The following TBC1D14 variants were observed in gnomAD, a reference collection of about 807,000 sequenced individuals.
The protein encoded by TBC1D14 is TBC1 domain family member 14.
A neutral mutation model predicts 79.0 loss-of-function variants in TBC1D14; 26 were observed. The observed-to-expected ratio is 0.33, with a 90% CI of 0.24 to 0.46. The LOEUF (loss-of-function observed/expected upper bound fraction) is 0.46, where lower values mean the gene tolerates loss of function less well. Among genes scored for constraint, TBC1D14 ranks in the 20% least tolerant of loss-of-function variants. The probability of loss-of-function intolerance (pLI) is 1.00; values close to 1 mark genes in which losing one functional copy is unlikely to be tolerated. For missense variants in TBC1D14, 769 were observed against 887.6 expected, an observed-to-expected ratio of 0.87 and a Z score of 1.70; for synonymous variants, 394 against 349.9, an observed-to-expected ratio of 1.13 and a Z score of -1.40.
At chr4:6,983,603 T>C (rs1401286090) in intron 3 of TBC1D14, among the ~76,000 whole-genome samples, 2 of 152,302 alleles carry the variant, frequency 1.3e-5, no homozygotes, top group African/African-American at 4.8e-5. Flanking sequence ...TCCCATAAAA[T>C]GTCTAATCCC....
At chr4:7,026,061 C>T (rs186436762) in intron 13 of TBC1D14, among the ~76,000 whole-genome samples, 38 of 152,268 alleles carry the variant, frequency 2.5e-4, no homozygotes, top group African/African-American at 8.7e-4. Flanking sequence ...GAGAGGGTCT[C>T]GCTCTGTCAT....
At chr4:6,967,483 G>A in intron 3 of TBC1D14, 59 bp downstream of exon 3, 3 of 1,571,614 alleles carry the variant, frequency 1.9e-6, no homozygotes, top group East Asian at 2.3e-5. Context: ...ATATATTCAT[G>A]AACCTTGCAA....
At chr4:6,937,487 A>G (rs1712452137) in intron 2 of TBC1D14, among the ~76,000 whole-genome samples, 1 of 116,792 alleles carries the variant, frequency 8.6e-6, no homozygotes, top group East Asian at 3.8e-4. Flanking sequence ...GTGGGGGCAC[A>G]AACCCTGGGG....
chr4:6,913,795 C>T (rs1217429858), intron 1 of TBC1D14, among the ~76,000 whole-genome samples: 1 of 152,150 alleles, frequency 6.6e-6, no homozygotes, highest in Non-Finnish European at 1.5e-5. Context: ...TACCAAATCA[C>T]TAAGTGAAGC....
intron 12 of TBC1D14, 76 bp from the exon 13 acceptor site, chr4:7,024,928 A>G: frequency 6.3e-7 from 1 of 1,575,170 alleles, no homozygotes; most frequent in Non-Finnish European, 8.6e-7. Context: ...TTTTCATGGA[A>G]TCAGACTGGA....
chr4:7,016,652 G>A (rs773255453), intron 12 of TBC1D14, among the ~76,000 whole-genome samples: 3 of 152,346 alleles, frequency 2.0e-5, no homozygotes, highest in South Asian at 4.1e-4. Context: ...TAACACGTAC[G>A]TATGCTGGGA....
chr4:7,001,052 A>G, intron 6 of TBC1D14, 93 bp from the exon 7 acceptor site: 1 of 1,000,808 alleles, frequency 1.0e-6, no homozygotes, highest in Non-Finnish European at 1.5e-6. Flanking sequence ...GCAACGGTGC[A>G]TCCCAGCTCT....
chr4:6,927,358 C>T (rs1055914672), intron 2 of TBC1D14, among the ~76,000 whole-genome samples: 14 of 152,198 alleles, frequency 9.2e-5, no homozygotes, highest in African/African-American at 3.4e-4. Flanking sequence ...CTGGGTTTCT[C>T]GTGAGTCCTC....
intron 12 of TBC1D14, among the ~76,000 whole-genome samples, chr4:7,018,084 T>C (rs1469280143): frequency 6.6e-6 from 1 of 152,154 alleles, no homozygotes; most frequent in Non-Finnish European, 1.5e-5. Context: ...CTGAGGCCCA[T>C]GGTGTGAGGT....
Position 7,023,348 on chromosome 4 carries a change from C to CT in TBC1D14, c.1758-1655dup, listed in dbSNP as rs1167514679. On this transcript the variant is annotated intron_variant, in intron 12 of 13. Coordinates refer to ENST00000409757, the MANE Select transcript of TBC1D14 (RefSeq NM_020773.3). ...GCTTTTTAGCAGATGTAGGGAGAGTCTGATTTCCATGTGTGAGTGGGCACA... is the reference window on the plus strand; with the variant it reads ...GCTTTTTAGCAGATGTAGGGAGAGTCTTGATTTCCATGTGTGAGTGGGCACA... Among the ~76,000 whole-genome samples, 9 of 152,332 alleles carry CT rather than the reference C, an allele frequency of 5.9e-5. No individual in the cohort carries two copies. The East Asian group carries it at 1.7e-3, about 29-fold the overall frequency.
intron 2 of TBC1D14, 28 bp from the exon 3 acceptor site, chr4:6,967,276 C>G (rs765939741): frequency 2.5e-6 from 4 of 1,610,886 alleles, no homozygotes; most frequent in Non-Finnish European, 3.4e-6. Flanking sequence ...CCCAGAAATG[C>G]CCTAACCTTG....
chr4:6,958,952 C>T (rs1326953565), intron 2 of TBC1D14, among the ~76,000 whole-genome samples: 3 of 150,994 alleles, frequency 2.0e-5, no homozygotes, highest in Non-Finnish European at 2.9e-5. Flanking sequence ...GGTGGGATCT[C>T]GGCTCACTGC....
At chr4:7,022,022 C>T (rs918520095) in intron 12 of TBC1D14, among the ~76,000 whole-genome samples, 1 of 152,262 alleles carries the variant, frequency 6.6e-6, no homozygotes, top group African/African-American at 2.4e-5. Flanking sequence ...CTGTTCACGG[C>T]TGGCTTTCAA....
chr4:7,012,503 C>T (rs1261679481), intron 11 of TBC1D14, among the ~76,000 whole-genome samples: 3 of 152,136 alleles, frequency 2.0e-5, no homozygotes, highest in African/African-American at 7.2e-5. Flanking sequence ...AGTCATTACA[C>T]ACTTATTTAC....
intron 3 of TBC1D14, among the ~76,000 whole-genome samples, chr4:6,978,758 A>G (rs1418409953): frequency 6.7e-6 from 1 of 149,808 alleles, no homozygotes; most frequent in Non-Finnish European, 1.5e-5. Flanking sequence ...AAAAAAAAAG[A>G]AAAGAAAATC....
At chr4:6,936,441 C>G (rs897312715) in intron 2 of TBC1D14, among the ~76,000 whole-genome samples, 3 of 152,150 alleles carry the variant, frequency 2.0e-5, no homozygotes, top group Admixed American at 2.0e-4. Context: ...AATGTAAATC[C>G]GAGTCTCTTC....
intron 2 of TBC1D14, among the ~76,000 whole-genome samples, chr4:6,958,312 C>T (rs1406637064): frequency 6.6e-6 from 1 of 151,566 alleles, no homozygotes; most frequent in Non-Finnish European, 1.5e-5. Context: ...CCTTGAGCAT[C>T]CTGACTTCAG....
At chr4:6,917,488 A>G (rs970981968) in intron 1 of TBC1D14, among the ~76,000 whole-genome samples, 1 of 151,910 alleles carries the variant, frequency 6.6e-6, no homozygotes, top group Non-Finnish European at 1.5e-5. Flanking sequence ...GAAAGCACCA[A>G]TTGAGTGTCT....
At chr4:6,977,613 G>A (rs1256266244) in intron 3 of TBC1D14, among the ~76,000 whole-genome samples, 5 of 145,192 alleles carry the variant, frequency 3.4e-5, no homozygotes, top group African/African-American at 1.3e-4. Context: ...CTCTCTGCCT[G>A]GCTACCCAGT....
Sources: allele counts gnomAD v4.1 joint callset (sites outside exome capture counted in the v4.1 genomes callset), GRCh38; gene constraint gnomAD v4.1.1; transcripts MANE v1.5; gene names NCBI Gene and HGNC (gene_info 2026-07-23, HGNC 2026-07-21).